Variants in ST6GALNAC5 observed in about 807,000 individuals in gnomAD.
ST6GALNAC5 encodes ST6 N-acetylgalactosaminide alpha-2,6-sialyltransferase 5.
Under a neutral mutation model 33.6 loss-of-function variants are expected in ST6GALNAC5, and 27 were observed. The ratio of observed to expected loss-of-function variants is 0.80; its 90% CI spans 0.59 to 1.11. ST6GALNAC5 has a LOEUF of 1.11. ST6GALNAC5 is among the 50% of genes least tolerant of loss of function. The probability of loss-of-function intolerance (pLI) is 0.00; values close to 1 mark genes in which losing one functional copy is unlikely to be tolerated. For synonymous variants in ST6GALNAC5, 194 were observed against 171.2 expected, an observed-to-expected ratio of 1.13 and a Z score of -1.04; for missense variants, 428 against 454.0, an observed-to-expected ratio of 0.94 and a Z score of 0.52.
intron 4 of ST6GALNAC5, among the ~76,000 whole-genome samples, chr1:77,055,898 G>T (rs1053033116): frequency 6.6e-6 from 1 of 152,202 alleles, no homozygotes; most frequent in African/African-American, 2.4e-5. Context: ...ACAAAAATAA[G>T]CCCTGTCCAT....
At chr1:77,023,658 A>G (rs1235981166) in intron 2 of ST6GALNAC5, among the ~76,000 whole-genome samples, 1 of 152,238 alleles carries the variant, frequency 6.6e-6, no homozygotes, top group East Asian at 1.9e-4. Flanking sequence ...GAGCCTTCAC[A>G]GTTAGATTGA....
chr1:76,961,410 C>A (rs185877907), intron 2 of ST6GALNAC5, among the ~76,000 whole-genome samples: 1 of 152,156 alleles, frequency 6.6e-6, no homozygotes, highest in African/African-American at 2.4e-5. Context: ...AGACAAGGAA[C>A]GTGAAAATTG....
chr1:77,017,447 GGTGA>G (rs1377685078), intron 2 of ST6GALNAC5, among the ~76,000 whole-genome samples: 3 of 152,162 alleles, frequency 2.0e-5, no homozygotes, highest in Non-Finnish European at 4.4e-5. Context: ...GGCTGGCATG[GGTGA>G]GGGTCAAGGG....
chr1:76,999,201 T>C (rs1233754440), intron 2 of ST6GALNAC5, among the ~76,000 whole-genome samples: 1 of 152,200 alleles, frequency 6.6e-6, no homozygotes, highest in Non-Finnish European at 1.5e-5. Flanking sequence ...TGTAGCGTGT[T>C]GTGTTTTATC....
chr1:76,933,854 A>G (rs1247487919), intron 2 of ST6GALNAC5, among the ~76,000 whole-genome samples: 3 of 151,530 alleles, frequency 2.0e-5, no homozygotes, highest in African/African-American at 7.3e-5. Context: ...TTTAAAACAC[A>G]GTTTCTTGTT....
intron 2 of ST6GALNAC5, among the ~76,000 whole-genome samples, chr1:76,999,146 G>A (rs1933399): frequency 0.19 from 28,631 of 152,016 alleles, 3,185 homozygotes; most frequent in African/African-American, 0.3. Flanking sequence ...TGGAAGACAG[G>A]CAGCTTTCCC....
intron 2 of ST6GALNAC5, among the ~76,000 whole-genome samples, chr1:76,972,878 T>A (rs139961139): frequency 2.2e-3 from 333 of 152,294 alleles, no homozygotes; most frequent in Non-Finnish European, 3.8e-3. Flanking sequence ...GAACAATAAT[T>A]CTGTGTAACT....
At chr1:77,016,835 TCAA>T (rs1432613802) in intron 2 of ST6GALNAC5, among the ~76,000 whole-genome samples, 1 of 152,228 alleles carries the variant, frequency 6.6e-6, no homozygotes, top group Non-Finnish European at 1.5e-5. Context: ...ATTAGAATCT[TCAA>T]CAACTTCTTC....
At chr1:76,880,865 A>G (rs1287878860) in intron 2 of ST6GALNAC5, among the ~76,000 whole-genome samples, 1 of 152,198 alleles carries the variant, frequency 6.6e-6, no homozygotes, top group East Asian at 1.9e-4. Flanking sequence ...CACAAGACAG[A>G]ATATTTGCAG....
chr1:77,061,615 G>A (rs1410283771), intron 4 of ST6GALNAC5, among the ~76,000 whole-genome samples: 1 of 152,202 alleles, frequency 6.6e-6, no homozygotes, highest in Non-Finnish European at 1.5e-5. Context: ...CAGTTGCTGA[G>A]CATAGCTCAA....
intron 2 of ST6GALNAC5, among the ~76,000 whole-genome samples, chr1:77,016,590 T>C (rs1650861777): frequency 6.6e-6 from 1 of 151,902 alleles, no homozygotes; most frequent in South Asian, 2.1e-4. Flanking sequence ...TTGGTGCTAA[T>C]TAGAGATGGA....
At chr1:76,964,840 G>A (rs1648390885) in intron 2 of ST6GALNAC5, among the ~76,000 whole-genome samples, 1 of 152,128 alleles carries the variant, frequency 6.6e-6, no homozygotes, top group African/African-American at 2.4e-5. Flanking sequence ...TCCTACCTAT[G>A]AATGAGAACA....
rs1044448613 is a variant in ST6GALNAC5, at chr1:76,868,218, C to G, written c.16-279C>G. ...GCAAACCCACCCCTGTCCTCGGCCC[C>G]GGCGCGCTCCCTCCCTCAGCCCGGG... On this transcript the variant is annotated intron_variant, in intron 1 of 4. Transcript: ENST00000477717. The surrounding 1 kb of genome is among the most constrained non-coding windows in gnomAD (Gnocchi z 4.3). Among the ~76,000 whole-genome samples, 2 of 152,144 alleles carry G rather than the reference C, an allele frequency of 1.3e-5. No individual in the cohort carries two copies. Among genetic ancestry groups the G allele is most frequent in the African/African-American group, 4.8e-5 (2 of 41,450 alleles).
intron 2 of ST6GALNAC5, among the ~76,000 whole-genome samples, chr1:76,998,378 AG>A (rs1420742055): frequency 6.6e-6 from 1 of 152,178 alleles, no homozygotes; most frequent in African/African-American, 2.4e-5. Flanking sequence ...CCTGGGTGAC[AG>A]GGTGAGACTT....
At chr1:76,987,660 C>G (rs1557749836) in intron 2 of ST6GALNAC5, among the ~76,000 whole-genome samples, 3 of 152,136 alleles carry the variant, frequency 2.0e-5, no homozygotes, top group Non-Finnish European at 2.9e-5. Flanking sequence ...CAGCACCAGA[C>G]ACAACAGCCC....
chr1:76,939,451 C>T (rs1046593056), intron 2 of ST6GALNAC5, among the ~76,000 whole-genome samples: 2 of 151,986 alleles, frequency 1.3e-5, no homozygotes, highest in African/African-American at 2.4e-5. Context: ...AGAACAGAGG[C>T]CAAGGAAACA....
At chr1:77,050,237 C>G in intron 3 of ST6GALNAC5, 21 bp from the exon 4 acceptor site, 1 of 1,608,442 alleles carries the variant, frequency 6.2e-7, no homozygotes, top group South Asian at 1.1e-5. Context: ...AGCTTGCAGA[C>G]TTAATTATTG....
At chr1:76,925,525 A>T (rs1647075941) in intron 2 of ST6GALNAC5, among the ~76,000 whole-genome samples, 2 of 152,088 alleles carry the variant, frequency 1.3e-5, no homozygotes, top group Non-Finnish European at 2.9e-5. Context: ...CAAATGACAG[A>T]GGCTCTCATG....
chr1:76,898,964 A>G (rs931780688), intron 2 of ST6GALNAC5, among the ~76,000 whole-genome samples: 3 of 152,088 alleles, frequency 2.0e-5, no homozygotes, highest in Non-Finnish European at 4.4e-5. Flanking sequence ...AAGATTTGGG[A>G]TGAGTTGCAT....
Sources: gnomAD v4.1 joint callset for allele counts (sites outside exome capture counted in the v4.1 genomes callset) on GRCh38, gnomAD v4.1.1 for gene constraint, Gnocchi (gnomAD v3.1) non-coding constraint, MANE v1.5 for transcripts, NCBI Gene and HGNC (gene_info 2026-07-23, HGNC 2026-07-21) for gene names.